OTOGL: variants seen among roughly 807,000 people sequenced by gnomAD.
OTOGL encodes the protein otogelin like.
In OTOGL, 285 loss-of-function variants were observed where a neutral mutation model predicts 318.5. That is an observed-to-expected ratio of 0.89 (90% CI 0.81 to 0.99). The LOEUF (loss-of-function observed/expected upper bound fraction) is 0.99, where lower values mean the gene tolerates loss of function less well. Among genes scored for constraint, OTOGL ranks in the 50% least tolerant of loss-of-function variants. The pLI is 0.00. For missense variants in OTOGL, 2,899 were observed against 2,845.6 expected (o/e 1.02, Z -0.43); for synonymous variants, 987 against 936.5 (o/e 1.05, Z -0.99).
At chr12:80,320,804 A>G in intron 34 of OTOGL, 104 bp downstream of exon 34, 1 of 1,206,564 alleles carries the variant, frequency 8.3e-7, no homozygotes, top group Non-Finnish European at 1.1e-6. Flanking sequence ...ATATAAGCAG[A>G]TAGACTTTTA....
At chr12:80,126,905 T>G (rs529951386) in intron 1 of OTOGL, among the ~76,000 whole-genome samples, 3 of 152,320 alleles carry the variant, frequency 2.0e-5, no homozygotes, top group South Asian at 4.2e-4. Context: ...TAGATCTTCC[T>G]CCACCCTTTT....
At chr12:80,377,788 AAAT>A in intron 58 of OTOGL, 57 bp from the exon 59 acceptor site, 3 of 1,300,004 alleles carry the variant, frequency 2.3e-6, no homozygotes, top group Non-Finnish European at 3.2e-6. Context: ...TAGTGGAATC[AAAT>A]AATAACCAGT....
intron 46 of OTOGL, among the ~76,000 whole-genome samples, chr12:80,355,224 C>CTTTCTTTTTTTTTTTTTTTTTTTTTTT (rs1889799791): frequency 1.5e-5 from 1 of 65,628 alleles, no homozygotes; most frequent in African/African-American, 6.0e-5. Flanking sequence ...TTCTTTCTTT[C>CTTTCTTTTTTTTTTTTTTTTTTTTTTT]TTTTCTTTTT....
intron 1 of OTOGL, among the ~76,000 whole-genome samples, chr12:80,176,135 CAA>C (rs1388033879): frequency 6.6e-6 from 1 of 152,126 alleles, no homozygotes; most frequent in East Asian, 1.9e-4. Context: ...TAGGAATATT[CAA>C]AGAGTTCTAG....
At chr12:80,372,163 AAG>A in intron 57 of OTOGL, 99 bp downstream of exon 57, 1 of 749,908 alleles carries the variant, frequency 1.3e-6, no homozygotes, top group Non-Finnish European at 2.0e-6. Flanking sequence ...CTATGATGCA[AAG>A]AGAGAAACAA....
intron 11 of OTOGL, among the ~76,000 whole-genome samples, chr12:80,240,379 T>C (rs548006255): frequency 6.6e-6 from 1 of 152,218 alleles, no homozygotes; most frequent in East Asian, 1.9e-4. Context: ...CATAGACCCT[T>C]TTCAAAAACA....
intron 46 of OTOGL, among the ~76,000 whole-genome samples, chr12:80,354,145 G>A (rs1889731024): frequency 6.6e-6 from 1 of 152,164 alleles, no homozygotes; most frequent in Non-Finnish European, 1.5e-5. Flanking sequence ...TTGTGAGTGA[G>A]TTATTGCTCT....
At chr12:80,164,022 G>A (rs1201256999) in intron 1 of OTOGL, among the ~76,000 whole-genome samples, 2 of 152,150 alleles carry the variant, frequency 1.3e-5, no homozygotes, top group Non-Finnish European at 2.9e-5. Context: ...CTGAGAGATA[G>A]AAGGTGGGAA....
At chr12:80,246,105 C>T (rs1194010721) in intron 11 of OTOGL, among the ~76,000 whole-genome samples, 2 of 151,742 alleles carry the variant, frequency 1.3e-5, no homozygotes, top group Admixed American at 6.6e-5. Flanking sequence ...ATGTCATCTG[C>T]AAACAGGGAC....
At chr12:80,132,684 AG>A (rs1871313586) in intron 1 of OTOGL, 1 of 152,234 alleles carries the variant, frequency 6.6e-6, no homozygotes, top group East Asian at 1.9e-4. Flanking sequence ...GAATCTGCCC[AG>A]GTAATCAAGA....
At chr12:80,259,979 A>G (rs73358934) in intron 18 of OTOGL, among the ~76,000 whole-genome samples, 4,151 of 152,092 alleles carry the variant, frequency 0.027, 211 homozygotes, top group African/African-American at 0.094. Context: ...AAATCTGACA[A>G]TGCATTATCT....
chr12:80,182,287 T>C (rs1592525161), intron 1 of OTOGL, among the ~76,000 whole-genome samples: 1 of 152,208 alleles, frequency 6.6e-6, no homozygotes, highest in Admixed American at 6.5e-5. Context: ...AGAGGCTTGG[T>C]ACGACTCAGC....
chr12:80,114,331 T>C (rs1272512790), intron 1 of OTOGL, among the ~76,000 whole-genome samples: 6 of 152,164 alleles, frequency 3.9e-5, no homozygotes, highest in Non-Finnish European at 8.8e-5. Flanking sequence ...CCCTCAGCAT[T>C]TGCTTGTCTG....
At chr12:80,203,652 C>T (rs11114352) in intron 1 of OTOGL, among the ~76,000 whole-genome samples, 7,636 of 152,210 alleles carry the variant, frequency 0.05, 630 homozygotes, top group African/African-American at 0.18. Flanking sequence ...TCCTGAACAG[C>T]AAACTGCTCA....
At position 80,269,994 on chromosome 12, in the gene OTOGL, T is replaced by C. The variant is rs1883280088; in HGVS notation, c.2466-108T>C. 6 of 900,508 alleles carry C rather than the reference T, an allele frequency of 6.7e-6. No individual in the cohort carries two copies. In the East Asian group the frequency reaches 1.6e-4, roughly 24 times the overall value. The allele number at this position is 900,508 out of a possible 1,614,324, so 55.8% of individuals were successfully genotyped here. On this transcript the variant is annotated intron_variant, in intron 22 of 58. Transcript: ENST00000547103. ...ACTTCTGTGGGAAAAATAACATTTG[T>C]ATAATGTACTCAATCAATTCTTGTA...
intron 1 of OTOGL, among the ~76,000 whole-genome samples, chr12:80,124,705 T>G (rs1442317571): frequency 2.6e-5 from 4 of 152,192 alleles, no homozygotes; most frequent in African/African-American, 9.7e-5. Context: ...GTATCCTCTT[T>G]TATTTCCTTG....
chr12:80,145,249 G>A (rs1872262514), intron 1 of OTOGL, among the ~76,000 whole-genome samples: 1 of 151,280 alleles, frequency 6.6e-6, no homozygotes, highest in Non-Finnish European at 1.5e-5. Context: ...TGTAAGGAAG[G>A]GATCCAGTAT....
intron 28 of OTOGL, among the ~76,000 whole-genome samples, chr12:80,305,049 A>G (rs1012670868): frequency 2.0e-5 from 3 of 152,186 alleles, no homozygotes; most frequent in Non-Finnish European, 4.4e-5. Flanking sequence ...GGCATCAGGA[A>G]GGGGGATGTG....
At chr12:80,269,995 A>G in intron 22 of OTOGL, 107 bp from the exon 23 acceptor site, 1 of 909,340 alleles carries the variant, frequency 1.1e-6, no homozygotes, top group Non-Finnish European at 1.7e-6. Context: ...TAACATTTGT[A>G]TAATGTACTC....
Sources: allele counts gnomAD v4.1 joint callset (sites outside exome capture counted in the v4.1 genomes callset), GRCh38; gene constraint gnomAD v4.1.1; transcripts MANE v1.5; gene names NCBI Gene and HGNC (gene_info 2026-07-23, HGNC 2026-07-21).